The following CD3D variants were observed in gnomAD, a reference collection of about 807,000 sequenced individuals.
The protein encoded by CD3D is T-cell surface glycoprotein CD3 delta chain.
Under a neutral mutation model 22.0 loss-of-function variants are expected in CD3D, and 22 were observed. The ratio of observed to expected loss-of-function variants is 1.00; its 90% CI spans 0.71 to 1.43. CD3D has a LOEUF of 1.43. Ranked by LOEUF, CD3D falls within the 40% of genes most tolerant of loss-of-function variation. The pLI, the probability that CD3D is intolerant of heterozygous loss-of-function variation, is 0.00. For missense variants in CD3D, 205 were observed against 211.7 expected, an observed-to-expected ratio of 0.97 and a Z score of 0.20; for synonymous variants, 74 against 81.2, an observed-to-expected ratio of 0.91 and a Z score of 0.48.
Position 118,340,394 on chromosome 11 carries a change from G to T in CD3D, c.255C>A (p.Thr85=). ...ACGTACTTCGATAATGAACTTGCAC[G>T]GTAGATTCTTTGTCCTTGTATATAT... ...GTDIYKDKES[T]VQVHYRMCQS... The change falls in exon 2 of 5, where the codon ACC becomes ACA. Residue 85 remains threonine (T), a synonymous_variant. Transcript: ENST00000300692. The T allele has an allele frequency of 1.2e-6, 2 of 1,613,764 alleles. No homozygotes were observed. Among genetic ancestry groups the T allele is most frequent in the Non-Finnish European group, 1.7e-6 (2 of 1,179,700 alleles).
Position 118,339,227 on chromosome 11 carries a change from G to C in CD3D, c.451C>G (p.Pro151Ala). 6.2e-7 allele frequency: 1 copy of C among 1,613,706 alleles called. No homozygotes were observed. The highest frequency in any genetic ancestry group is 1.1e-5 in the South Asian group (1 of 91,060). ...TGAGCATCATCTCGATCTCGGAGGG[G>C]CTAAGAGAGGAGAAGAGAAAACGGT... ...ALLRNDQVYQ[P>A]LRDRDDAQYS... The change falls in exon 5 of 5, where the codon CCC (proline) becomes GCC (alanine). Residue 151 changes from proline (P) to alanine (A), a missense_variant and splice_region_variant. Pro to Ala is a conservative substitution (Grantham distance 27). Coordinates refer to ENST00000300692, the MANE Select transcript of CD3D (RefSeq NM_000732.6).
At position 118,340,575 on chromosome 11, in the gene CD3D, G is replaced by T. The variant is rs1591278393; in HGVS notation, c.74C>A (p.Pro25His). 3 of 1,613,388 alleles carry T rather than the reference G, an allele frequency of 1.9e-6. No individual in the cohort carries two copies. The African/African-American group carries it at 4.0e-5, about 22-fold the overall frequency. The change falls in exon 2 of 5, where the codon CCT becomes CAT. Residue 25 changes from proline to histidine, a missense_variant. Coordinates refer to ENST00000300692, the MANE Select transcript of CD3D (RefSeq NM_000732.6). Reference protein sequence around the residue: ...LLSQVSPFKIPIEELEDRVFV... With the variant: ...LLSQVSPFKIHIEELEDRVFV... ...CACTCTGTCCTCAAGTTCCTCTATA[G>T]GTATCTTGAAGGGGCTCACTAAAGG... is the stretch of plus-strand genomic sequence containing the variant.
chr11:118,340,249 C>A, intron 2 of CD3D, 126 bp downstream of exon 2: 2 of 811,690 alleles, frequency 2.5e-6, no homozygotes, highest in South Asian at 2.9e-5. Context: ...CTGGCTTGTA[C>A]CATTACAATA....
chr11:118,339,303 G>T, intron 4 of CD3D, 76 bp from the exon 5 acceptor site: 1 of 1,511,392 alleles, frequency 6.6e-7, no homozygotes, highest in Non-Finnish European at 9.2e-7. Context: ...AGGCCCTGAC[G>T]ATGAGAGCTC....
chr11:118,339,821 C>T lies in CD3D; in HGVS notation c.360G>A (p.Leu120=), dbSNP rs150570955. 201 of 1,613,794 alleles carry T rather than the reference C, an allele frequency of 1.2e-4. No individual in the cohort carries two copies. Among genetic ancestry groups the T allele is most frequent in the Non-Finnish European group, 1.6e-4 (184 of 1,180,004 alleles). Residue 120 remains leucine (L), a synonymous_variant, in exon 3 of 5, where the codon TTG becomes TTA. Transcript: ENST00000300692. ...TDVIATLLLA[L]GVFCFAGHET... ...CATGTCCAGCAAAGCAGAAGACTCC[C>T]AAAGCAAGGAGCAGAGTGGCAATGA...
chr11:118,339,712 A>ACACT (rs2134059078), intron 3 of CD3D, 63 bp downstream of exon 3: 7 of 926,098 alleles, frequency 7.6e-6, no homozygotes, highest in Non-Finnish European at 8.4e-6. Context: ...TCACTGGTAC[A>ACACT]CACACACACA....
rs1342975835 is a variant in CD3D, at chr11:118,340,645, G to A, written c.56-52C>T. On this transcript the variant is annotated intron_variant, in intron 1 of 4. Transcript: ENST00000300692. ...GAGACAGCTCTTTGATCTGCACCAA[G>A]CCCTTTGTTCTGCGGAAGCTCATAC... 3.0e-6 allele frequency: 4 copies of A among 1,316,668 alleles called. No homozygotes were observed. The African/African-American group carries it at 4.3e-5, about 14-fold the overall frequency. 81.6% of individuals were successfully genotyped at this position (1,316,668 alleles called of 1,614,324 possible).
intron 3 of CD3D, 60 bp downstream of exon 3, chr11:118,339,715 C>CACAT (rs1267632571): frequency 1.4e-6 from 2 of 1,412,030 alleles, no homozygotes; most frequent in African/African-American, 1.4e-5. Flanking sequence ...CTGGTACACA[C>CACAT]ACACACACAC....
intron 1 of CD3D, 72 bp from the exon 2 acceptor site, chr11:118,340,665 T>C: frequency 9.2e-7 from 1 of 1,086,934 alleles, no homozygotes; most frequent in Non-Finnish European, 1.4e-6. Context: ...CTGCGGAAGC[T>C]CATACTTAAC....
At chr11:118,342,175 C>CT (rs56058731) in intron 1 of CD3D, among the ~76,000 whole-genome samples, 6,369 of 144,788 alleles carry the variant, frequency 0.044, 196 homozygotes, top group Non-Finnish European at 0.069. Flanking sequence ...CCGAGAAGCA[C>CT]TTTTTTTTTT....
At chr11:118,339,619 A>G in intron 3 of CD3D, 125 bp from the exon 4 acceptor site, 1 of 1,543,650 alleles carries the variant, frequency 6.5e-7, no homozygotes, top group African/African-American at 1.4e-5. Context: ...TCAAAGTTCT[A>G]GGAGTCTTTA....
rs1183409 is a variant in CD3D at position 118,339,801 on chromosome 11, C to T, written c.380G>A (p.Gly127Glu). Residue 127 changes from glycine to glutamate, a missense_variant, in exon 3 of 5, where the codon GGA becomes GAA. By Grantham distance (98) the Gly-to-Glu change is moderately conservative. Coordinates refer to ENST00000300692, the MANE Select transcript of CD3D (RefSeq NM_000732.6). ...CCCAGACAGCCTTCCAGTCTCATGT[C>T]CAGCAAAGCAGAAGACTCCCAAAGC... Reference protein sequence around the residue: ...LLALGVFCFAGHETGRLSGAA... With the variant: ...LLALGVFCFAEHETGRLSGAA... 1.2e-6 allele frequency: 2 copies of T among 1,613,684 alleles called. No homozygotes were observed. The highest frequency in any genetic ancestry group is 1.3e-5 in the African/African-American group (1 of 74,772).
chr11:118,340,823 G>A (rs1444388486), intron 1 of CD3D: 1 of 666,362 alleles, frequency 1.5e-6, no homozygotes, highest in Admixed American at 2.0e-5. Context: ...AGGTCTTGGG[G>A]CCTTGGTGCA....
Position 118,339,471 on chromosome 11 carries a change from T to A in CD3D, c.430A>T (p.Arg144Trp). The part of the protein sequence containing the change: ...SGAADTQALL[R>W]NDQVYQPLRD... ...CTCACCTGATAGACCTGGTCATTCC[T>A]CAACAGAGCTTGTGTGTCGGCAGCT... Residue 144 changes from arginine to tryptophan, a missense_variant, in exon 4 of 5, where the codon AGG (arginine) becomes TGG (tryptophan). By Grantham distance (101) the Arg-to-Trp change is moderately radical. Transcript: ENST00000300692. 6.2e-7 allele frequency: 1 copy of A among 1,614,036 alleles called. No homozygotes were observed. The highest frequency in any genetic ancestry group is 8.5e-7 in the Non-Finnish European group (1 of 1,180,006).
At chr11:118,341,036 C>T in intron 1 of CD3D, 1 of 445,720 alleles carries the variant, frequency 2.2e-6, no homozygotes, top group South Asian at 1.6e-5. Flanking sequence ...ACAACACTCC[C>T]ACTTCAGCTT....
chr11:118,340,780 G>C, intron 1 of CD3D, 187 bp from the exon 2 acceptor site: 1 of 689,264 alleles, frequency 1.5e-6, no homozygotes, highest in South Asian at 1.5e-5. Context: ...CAGGGGTCAA[G>C]GGGGACATGA....
At chr11:118,339,425 C>T (rs1948278815) in intron 4 of CD3D, 26 bp downstream of exon 4, 2 of 1,613,436 alleles carry the variant, frequency 1.2e-6, no homozygotes, top group African/African-American at 2.7e-5. Context: ...TCCCTTCATT[C>T]CTGCCTCCTT....
At position 118,340,581 on chromosome 11, in the gene CD3D, T is replaced by C. The variant is rs761840740; in HGVS notation, c.68A>G (p.Lys23Arg). The C allele has an allele frequency of 2.5e-6, 4 of 1,613,174 alleles. No individual in the cohort carries two copies. Among genetic ancestry groups the C allele is most frequent in the Admixed American group, 1.7e-5 (1 of 59,978 alleles). Residue 23 changes from lysine (K) to arginine (R), a missense_variant, in exon 2 of 5, where the codon AAG becomes AGG. Lys to Arg is a conservative substitution (Grantham distance 26, BLOSUM62 2). Transcript: ENST00000300692. The stretch of plus-strand genomic sequence containing the variant: ...GTCCTCAAGTTCCTCTATAGGTATC[T>C]TGAAGGGGCTCACTAAAGGGGAAAA... ...ATLLSQVSPFKIPIEELEDRV... is the reference protein window; with the variant it reads ...ATLLSQVSPFRIPIEELEDRV...
intron 2 of CD3D, 76 bp from the exon 3 acceptor site, chr11:118,339,982 A>C: frequency 6.3e-7 from 1 of 1,576,156 alleles, no homozygotes. Context: ...TCCTAGGGCA[A>C]CCCTTAGATC....
Sources: gnomAD v4.1 joint callset for allele counts (sites outside exome capture counted in the v4.1 genomes callset) on GRCh38, gnomAD v4.1.1 for gene constraint, MANE v1.5 for transcripts, NCBI Gene and HGNC (gene_info 2026-07-23, HGNC 2026-07-21) for gene names.